Variants in NELL2 observed in about 807,000 individuals in gnomAD.
NELL2 encodes the protein protein kinase C-binding protein NELL2.
A neutral mutation model predicts 109.6 loss-of-function variants in NELL2; 41 were observed. The observed-to-expected ratio is 0.37, with a 90% CI of 0.29 to 0.49. The LOEUF (loss-of-function observed/expected upper bound fraction) is 0.49. Ranked by LOEUF, NELL2 falls within the 20% of genes least tolerant of loss-of-function variation. NELL2 has a pLI of 0.98. For missense variants in NELL2, 900 were observed against 1,008.3 expected, an observed-to-expected ratio of 0.89 and a Z score of 1.45; for synonymous variants, 355 against 344.7, an observed-to-expected ratio of 1.03 and a Z score of -0.33.
At chr12:44,791,488 G>A (rs115949814) in intron 3 of NELL2, among the ~76,000 whole-genome samples, 2,190 of 151,526 alleles carry the variant, frequency 0.014, 52 homozygotes, top group African/African-American at 0.05. Flanking sequence ...TATACTGCTC[G>A]GTATAGAGCT....
intron 10 of NELL2, 31 bp downstream of exon 10, chr12:44,714,619 A>C (rs751968050): frequency 1.4e-6 from 2 of 1,387,666 alleles, no homozygotes; most frequent in South Asian, 2.7e-5. Context: ...AATAGAAACA[A>C]TTTTGAAAGA....
intron 10 of NELL2, among the ~76,000 whole-genome samples, chr12:44,713,346 C>A (rs1044370958): frequency 6.6e-5 from 10 of 151,894 alleles, no homozygotes; most frequent in African/African-American, 2.2e-4. Flanking sequence ...TAGAAGCCAG[C>A]TGGCAGAAGT....
upstream of NELL2, among the ~76,000 whole-genome samples, chr12:44,879,064 GA>G (rs1945382427): frequency 6.6e-6 from 1 of 152,164 alleles, no homozygotes; most frequent in South Asian, 2.1e-4. Context: ...GGAGGCATAA[GA>G]GGAGGTCAGA....
upstream of NELL2, among the ~76,000 whole-genome samples, chr12:44,916,245 A>G (rs945414748): frequency 6.6e-6 from 1 of 152,226 alleles, no homozygotes; most frequent in African/African-American, 2.4e-5. Context: ...GAAGAAGCTG[A>G]GAAATAATTT....
At chr12:44,660,932 T>C (rs898759654) in intron 13 of NELL2, among the ~76,000 whole-genome samples, 1 of 152,158 alleles carries the variant, frequency 6.6e-6, no homozygotes, top group African/African-American at 2.4e-5. Flanking sequence ...ATTATCACAT[T>C]GCTTCTTTAA....
intron 19 of NELL2, among the ~76,000 whole-genome samples, chr12:44,510,983 T>C (rs1292256147): frequency 6.6e-6 from 1 of 152,186 alleles, no homozygotes; most frequent in Admixed American, 6.5e-5. Context: ...TCAAATTATA[T>C]GGCTTTGGAG....
chr12:44,577,057 AC>A (rs1944119570), intron 15 of NELL2, among the ~76,000 whole-genome samples: 1 of 135,906 alleles, frequency 7.4e-6, no homozygotes, highest in Non-Finnish European at 1.6e-5. Context: ...TTGGGTATAT[AC>A]CCAGTAATGG....
At chr12:44,856,536 T>C (rs756016446) in intron 2 of NELL2, among the ~76,000 whole-genome samples, 8 of 152,098 alleles carry the variant, frequency 5.3e-5, no homozygotes, top group Non-Finnish European at 7.4e-5. Flanking sequence ...GAAAAACGTT[T>C]GAAAGAAGTA....
At chr12:44,907,717 T>G (rs1945735182) in intron 1 of NELL2, among the ~76,000 whole-genome samples, 1 of 152,114 alleles carries the variant, frequency 6.6e-6, no homozygotes, top group African/African-American at 2.4e-5. Context: ...TTTGTTTTTT[T>G]GTTTTAAAAT....
chr12:44,676,644 T>G (rs1000253311), intron 12 of NELL2, among the ~76,000 whole-genome samples: 5 of 152,080 alleles, frequency 3.3e-5, no homozygotes, highest in Admixed American at 2.6e-4. Context: ...TCAAAAAGAG[T>G]GAAAGCTCTG....
chr12:44,762,616 C>A (rs1326957517), intron 9 of NELL2, among the ~76,000 whole-genome samples: 1 of 152,214 alleles, frequency 6.6e-6, no homozygotes, highest in Non-Finnish European at 1.5e-5. Flanking sequence ...TGACTCTCTG[C>A]ACAGCAGTCA....
At chr12:44,784,713 A>C (rs1215372074) in intron 3 of NELL2, among the ~76,000 whole-genome samples, 1 of 152,212 alleles carries the variant, frequency 6.6e-6, no homozygotes. Flanking sequence ...CTGCGATGCA[A>C]GGCTGGTTCA....
chr12:44,642,044 G>A (rs764350983), intron 13 of NELL2, among the ~76,000 whole-genome samples: 6 of 152,052 alleles, frequency 3.9e-5, no homozygotes, highest in Non-Finnish European at 8.8e-5. Flanking sequence ...ATGAAATGGG[G>A]ACAATATTTC....
At position 44,716,186 on chromosome 12, in the gene NELL2, T is replaced by C. The variant is rs185497381; in HGVS notation, c.995-1445A>G. 2.3e-3 allele frequency among the ~76,000 whole-genome samples: 356 copies of C among 152,246 alleles called. 1 individual carries two copies. Among genetic ancestry groups the C allele is most frequent in the African/African-American group, 8.3e-3 (343 of 41,554 alleles). On this transcript the variant is annotated intron_variant, in intron 9 of 19. Coordinates refer to ENST00000429094, the MANE Select transcript of NELL2 (RefSeq NM_001145108.2). ...CTCTCGCTTTCCTTGAAAAACTATT[T>C]TAAAGTTGCACATTTAAATAATGTC...
At chr12:44,606,552 A>G (rs901583477) in intron 15 of NELL2, among the ~76,000 whole-genome samples, 1 of 152,146 alleles carries the variant, frequency 6.6e-6, no homozygotes, top group African/African-American at 2.4e-5. Flanking sequence ...TTTTCATTGG[A>G]CAACGTATTT....
intron 16 of NELL2, among the ~76,000 whole-genome samples, chr12:44,532,317 T>A (rs539605649): frequency 6.6e-6 from 1 of 152,252 alleles, no homozygotes; most frequent in South Asian, 2.1e-4. Context: ...ATACTACATG[T>A]TTTTTCATTC....
At chr12:44,644,579 A>AGTATATATATATATATATATAT (rs1566076883) in intron 13 of NELL2, among the ~76,000 whole-genome samples, 8 of 70,088 alleles carry the variant, frequency 1.1e-4, no homozygotes, top group Admixed American at 3.0e-4. Context: ...GACAAAGTAA[A>AGTATATATATATATATATATAT]GTATATATAT....
chr12:44,651,057 C>A (rs1371991827), intron 13 of NELL2, among the ~76,000 whole-genome samples: 24 of 152,230 alleles, frequency 1.6e-4, no homozygotes, highest in Admixed American at 1.6e-3. Context: ...GCAGCAGCAT[C>A]AGTAGATTCT....
At chr12:44,916,037 C>T (rs1247402050), upstream of NELL2, among the ~76,000 whole-genome samples, 1 of 152,142 alleles carries the variant, frequency 6.6e-6, no homozygotes, top group Non-Finnish European at 1.5e-5. Context: ...ATTTCATCAC[C>T]TGCTATATCT....
Sources: allele counts gnomAD v4.1 joint callset (sites outside exome capture counted in the v4.1 genomes callset), GRCh38; gene constraint gnomAD v4.1.1; transcripts MANE v1.5; gene names NCBI Gene and HGNC (gene_info 2026-07-23, HGNC 2026-07-21).